Variants in CDHR1 observed in about 807,000 individuals in gnomAD.
The protein encoded by CDHR1 is cadherin related family member 1.
CDHR1 carries 61 observed loss-of-function variants against 72.1 expected under a neutral mutation model. The ratio of observed to expected loss-of-function variants is 0.85; its 90% CI spans 0.69 to 1.05. The LOEUF is 1.05. Among genes scored for constraint, CDHR1 ranks in the 50% least tolerant of loss-of-function variants. The pLI is 0.00. For missense variants in CDHR1, 1,186 were observed against 1,115.7 expected (o/e 1.06, Z -0.90); for synonymous variants, 470 against 448.1 (o/e 1.05, Z -0.62).
rs1377853818 is a variant in CDHR1 at position 84,217,544 on chromosome 10, C to T, written c.*2923C>T. 1.0e-6 allele frequency: 1 copy of T among 980,374 alleles called. No individual in the cohort carries two copies. The highest frequency in any genetic ancestry group is 1.8e-5 in the African/African-American group (1 of 57,140). The allele number at this position is 980,374 out of a possible 1,614,324, so 60.7% of individuals were successfully genotyped here. On this transcript the variant is annotated 3_prime_UTR_variant, in exon 17 of 17. Transcript: ENST00000623527. ...TCACTTTCCTCATTAACACAGGGTG[C>T]AAAGTATGGTTGCAGAGAGGATGAA...
intron 5 of CDHR1, among the ~76,000 whole-genome samples, chr10:84,200,259 CT>C (rs1842099411): frequency 1.3e-5 from 2 of 152,052 alleles, no homozygotes; most frequent in African/African-American, 4.8e-5. Flanking sequence ...CCTGGTGATC[CT>C]AAATATGTCT....
chr10:84,210,510 A>ACC (rs567145963), intron 12 of CDHR1, among the ~76,000 whole-genome samples: 1 of 151,798 alleles, frequency 6.6e-6, no homozygotes. Flanking sequence ...CAGGTGATCC[A>ACC]CCCGCCTTGG....
intron 6 of CDHR1, 72 bp from the exon 7 acceptor site, chr10:84,201,735 G>A: frequency 7.8e-7 from 1 of 1,283,210 alleles, no homozygotes; most frequent in African/African-American, 1.5e-5. Context: ...ACCCCCTTCA[G>A]AAAGCAGAGC....
Position 84,218,146 on chromosome 10 carries a change from G to C in CDHR1, c.*3525G>C. The C allele has an allele frequency of 5.1e-6, 5 of 985,510 alleles. No individual in the cohort carries two copies. Among genetic ancestry groups the C allele is most frequent in the Non-Finnish European group, 6.0e-6 (5 of 829,966 alleles). 61.0% of individuals were successfully genotyped at this position (985,510 alleles called of 1,614,324 possible). On this transcript the variant is annotated 3_prime_UTR_variant, in exon 17 of 17. Coordinates refer to ENST00000623527, the MANE Select transcript of CDHR1 (RefSeq NM_033100.4). The stretch of plus-strand genomic sequence containing the variant: ...CACCAAGGGATGGAGAGGGAGAATG[G>C]AGAAGATGCCACATGAGGAATGAGG...
chr10:84,195,513 G>T lies in CDHR1; in HGVS notation c.75G>T (p.Pro25=), dbSNP rs1319670529. 1.2e-6 allele frequency: 2 copies of T among 1,614,068 alleles called. No individual in the cohort carries two copies. The highest frequency in any genetic ancestry group is 1.7e-6 in the Non-Finnish European group (2 of 1,179,974). Residue 25 remains proline, a synonymous_variant, in exon 2 of 17, where the codon CCG becomes CCT. Transcript: ENST00000623527. The stretch of plus-strand genomic sequence containing the variant: ...TTCCAGCTCAGGCCAACTTCGCCCC[G>T]CACTTCTTCGACAACGGGGTCGGCA... The part of the protein sequence containing the change: ...RLCLAQANFA[P]HFFDNGVGST...
chr10:84,196,684 C>T (rs1337544166), intron 3 of CDHR1, 34 bp downstream of exon 3: 2 of 1,613,640 alleles, frequency 1.2e-6, no homozygotes, highest in South Asian at 2.2e-5. Flanking sequence ...TGCGGGGCCA[C>T]TGCCTGTAGA....
intron 16 of CDHR1, 136 bp from the exon 17 acceptor site, chr10:84,213,946 T>G (rs1842382300): frequency 2.7e-6 from 3 of 1,114,936 alleles, no homozygotes; most frequent in Admixed American, 1.7e-5. Context: ...AAGCCCATAG[T>G]GCCTATCAGA....
chr10:84,207,586 A>G (rs1027187452), intron 10 of CDHR1, among the ~76,000 whole-genome samples: 1 of 152,196 alleles, frequency 6.6e-6, no homozygotes, highest in Non-Finnish European at 1.5e-5. Flanking sequence ...CAAGGTACCT[A>G]TGGGATCTTT....
At chr10:84,199,505 C>T (rs1459989728) in intron 5 of CDHR1, among the ~76,000 whole-genome samples, 1 of 152,054 alleles carries the variant, frequency 6.6e-6, no homozygotes, top group Non-Finnish European at 1.5e-5. Context: ...TTCCTATATC[C>T]TATTTGCACT....
chr10:84,210,868 T>C, intron 12 of CDHR1, 133 bp from the exon 13 acceptor site: 1 of 960,964 alleles, frequency 1.0e-6, no homozygotes, highest in Non-Finnish European at 1.7e-6. Context: ...CAGGAATAGC[T>C]GGTTGGCAGC....
chr10:84,212,131 A>G, intron 14 of CDHR1, 48 bp from the exon 15 acceptor site: 1 of 1,451,784 alleles, frequency 6.9e-7, no homozygotes, highest in Non-Finnish European at 9.7e-7. Context: ...ATGTATGCAC[A>G]TATGTGTATA....
chr10:84,207,435 A>T (rs533952893), intron 10 of CDHR1, among the ~76,000 whole-genome samples: 2 of 152,266 alleles, frequency 1.3e-5, no homozygotes, highest in South Asian at 4.1e-4. Flanking sequence ...GTGGGATGAG[A>T]ATCAAGAGGG....
In CDHR1 at chr10:84,216,498, T is replaced by C; in HGVS notation, c.*1877T>C. 7.1e-6 allele frequency: 7 copies of C among 985,490 alleles called. No individual in the cohort carries two copies. Among genetic ancestry groups the C allele is most frequent in the Non-Finnish European group, 8.4e-6 (7 of 829,960 alleles). The allele number at this position is 985,490 out of a possible 1,614,324, so 61.0% of individuals were successfully genotyped here. ...GCATGCAATCAACCTCTTTTGTAAA[T>C]GGAAAATAAAGTCTGTTACCCAAAG... is the stretch of plus-strand genomic sequence containing the variant. On this transcript the variant is annotated 3_prime_UTR_variant, in exon 17 of 17. Transcript: ENST00000623527.
At position 84,215,989 on chromosome 10, in the gene CDHR1, T is replaced by C; in HGVS notation, c.*1368T>C. 4 of 984,704 alleles carry C rather than the reference T, an allele frequency of 4.1e-6. No homozygotes were observed. Among genetic ancestry groups the C allele is most frequent in the Non-Finnish European group, 4.8e-6 (4 of 829,936 alleles). The allele number at this position is 984,704 out of a possible 1,614,324, so 61.0% of individuals were successfully genotyped here. On this transcript the variant is annotated 3_prime_UTR_variant, in exon 17 of 17. Coordinates refer to ENST00000623527, the MANE Select transcript of CDHR1 (RefSeq NM_033100.4). The stretch of plus-strand genomic sequence containing the variant: ...TGCTTGAGGCCACACAGCAGGTTGG[T>C]AGCAAAGATCTTGTCTAGCCAGGGC...
At position 84,215,842 on chromosome 10, in the gene CDHR1, T is replaced by A. The variant is rs2132840879; in HGVS notation, c.*1221T>A. On this transcript the variant is annotated 3_prime_UTR_variant, in exon 17 of 17. Transcript: ENST00000623527. ...ATTGCCGTGACTCACACACCTCTAC[T>A]TCTGTTCTTCCCTCACTCCATCCCC... The A allele has an allele frequency of 2.0e-6, 2 of 985,530 alleles. No individual in the cohort carries two copies. Among genetic ancestry groups the A allele is most frequent in the Middle Eastern group, 5.2e-4 (1 of 1,914 alleles). 61.0% of individuals were successfully genotyped at this position (985,530 alleles called of 1,614,324 possible). A position where few individuals can be genotyped will look rare whatever the true frequency, so the allele number is the denominator to read the frequency against.
chr10:84,211,550 C>A, intron 13 of CDHR1, 98 bp from the exon 14 acceptor site: 1 of 1,103,184 alleles, frequency 9.1e-7, no homozygotes, highest in Non-Finnish European at 1.4e-6. Flanking sequence ...AACCCCAAAT[C>A]CCCTTGCTTT....
chr10:84,195,469 C>G (rs762038833), intron 1 of CDHR1, 25 bp from the exon 2 acceptor site: 2 of 1,602,934 alleles, frequency 1.2e-6, no homozygotes, highest in Non-Finnish European at 1.7e-6. Flanking sequence ...CCTGGGTGTC[C>G]GTCTGTTCTG....
intron 4 of CDHR1, 52 bp downstream of exon 4, chr10:84,197,888 G>A (rs571828279): frequency 6.5e-7 from 1 of 1,537,354 alleles, no homozygotes; most frequent in Non-Finnish European, 9.0e-7. Flanking sequence ...TTGGGCCTGA[G>A]AAGGGTGAGG....
In CDHR1 at chr10:84,208,345, G is replaced by T. The variant is rs572616777; in HGVS notation, c.1135G>T (p.Gly379Cys). 1 of 1,614,098 alleles carries T rather than the reference G, an allele frequency of 6.2e-7. No individual in the cohort carries two copies. Among genetic ancestry groups the T allele is most frequent in the Non-Finnish European group, 8.5e-7 (1 of 1,180,018 alleles). The change falls in exon 11 of 17, where the codon GGC (glycine) becomes TGC (cysteine). Residue 379 changes from glycine (G) to cysteine (C), a missense_variant. By Grantham distance (159) the Gly-to-Cys change is radical (BLOSUM62 -3). Coordinates refer to ENST00000623527, the MANE Select transcript of CDHR1 (RefSeq NM_033100.4). Reference protein sequence around the residue: ...EHPPQGEILRGLKITVNDSDQ... With the variant: ...EHPPQGEILRCLKITVNDSDQ... ...CCCACCCCAGGGAGAGATCCTGCGG[G>T]GCCTCAAGATCACCGTCAATGACTC... is the stretch of plus-strand genomic sequence containing the variant.
Sources: allele counts gnomAD v4.1 joint callset (sites outside exome capture counted in the v4.1 genomes callset), GRCh38; gene constraint gnomAD v4.1.1; transcripts MANE v1.5; gene names NCBI Gene and HGNC (gene_info 2026-07-23, HGNC 2026-07-21).